UTRN: variants seen among roughly 807,000 people sequenced by gnomAD.
The protein encoded by UTRN is dystrophin-related protein 1.
A neutral mutation model predicts 463.9 loss-of-function variants in UTRN; 283 were observed. The ratio of observed to expected loss-of-function variants is 0.61; its 90% CI spans 0.55 to 0.67. The LOEUF (loss-of-function observed/expected upper bound fraction) is 0.67, where lower values mean the gene tolerates loss of function less well. Among genes scored for constraint, UTRN ranks in the 30% least tolerant of loss-of-function variants. The pLI is 0.00. For synonymous variants in UTRN, 1,442 were observed against 1,431.5 expected (o/e 1.01, Z -0.17); for missense variants, 3,922 against 4,084.3 (o/e 0.96, Z 1.08).
At chr6:144,455,206 T>A (rs913552008) in intron 19 of UTRN, among the ~76,000 whole-genome samples, 1 of 152,196 alleles carries the variant, frequency 6.6e-6, no homozygotes, top group Non-Finnish European at 1.5e-5. Context: ...GTATTATCAA[T>A]CCATTTATTA....
chr6:144,529,423 T>G (rs986479855), intron 41 of UTRN, among the ~76,000 whole-genome samples: 1 of 152,216 alleles, frequency 6.6e-6, no homozygotes, highest in African/African-American at 2.4e-5. Flanking sequence ...CATGCTGCTG[T>G]TTGTCTGAGT....
At chr6:144,500,535 T>G (rs1283648547) in intron 34 of UTRN, among the ~76,000 whole-genome samples, 1 of 152,182 alleles carries the variant, frequency 6.6e-6, no homozygotes, top group Admixed American at 6.5e-5. Context: ...ATCAAGGCCT[T>G]TATAGGTATT....
At chr6:144,793,205 A>C (rs1344301265) in intron 62 of UTRN, among the ~76,000 whole-genome samples, 3 of 152,182 alleles carry the variant, frequency 2.0e-5, no homozygotes, top group African/African-American at 7.2e-5. Context: ...TTAGGAGTGA[A>C]CACACAAAGT....
chr6:144,374,537 G>A (rs538502439), intron 2 of UTRN, among the ~76,000 whole-genome samples: 214 of 151,706 alleles, frequency 1.4e-3, no homozygotes, highest in Non-Finnish European at 2.4e-3. Context: ...AGGCTGGAGT[G>A]CAGTGGCGTG....
At chr6:144,602,490 C>T (rs1166357753) in intron 51 of UTRN, among the ~76,000 whole-genome samples, 1 of 152,048 alleles carries the variant, frequency 6.6e-6, no homozygotes, top group Non-Finnish European at 1.5e-5. Context: ...TAAATAAAGA[C>T]CAAAATACTT....
chr6:144,638,983 G>T (rs1462707125), intron 51 of UTRN, among the ~76,000 whole-genome samples: 1 of 152,124 alleles, frequency 6.6e-6, no homozygotes, highest in Non-Finnish European at 1.5e-5. Flanking sequence ...GCTGAGGTGG[G>T]AGGATTGCCC....
intron 2 of UTRN, among the ~76,000 whole-genome samples, chr6:144,388,503 T>C (rs1465271913): frequency 1.3e-5 from 2 of 150,976 alleles, no homozygotes; most frequent in African/African-American, 4.9e-5. Flanking sequence ...TTTATTTATT[T>C]ATTTATTTAT....
chr6:144,730,573 T>C, intron 54 of UTRN, 87 bp downstream of exon 54: 1 of 1,359,308 alleles, frequency 7.4e-7, no homozygotes, highest in Non-Finnish European at 9.6e-7. Flanking sequence ...CCTTACAGCA[T>C]TTTAGGATCT....
chr6:144,534,980 A>G (rs986676867), intron 43 of UTRN, among the ~76,000 whole-genome samples: 2 of 152,208 alleles, frequency 1.3e-5, no homozygotes, highest in African/African-American at 2.4e-5. Context: ...GGAGGGTTCA[A>G]TGACCAGGGG....
chr6:144,642,691 C>T lies in UTRN; in HGVS notation c.7480-35715C>T, dbSNP rs74725948. On this transcript the variant is annotated intron_variant, in intron 51 of 74. Coordinates refer to ENST00000367545, the MANE Select transcript of UTRN (RefSeq NM_007124.3). ...AATTACAAAATAGTGACACAGTCTC[C>T]CCAGCCCAAGAAGGAGGAGATTTTT... 5.9e-3 allele frequency among the ~76,000 whole-genome samples: 896 copies of T among 152,228 alleles called. 10 individuals carry two copies. Among genetic ancestry groups the T allele is most frequent in the African/African-American group, 0.02 (848 of 41,532 alleles).
rs570287426 is a variant in UTRN, at chr6:144,713,417, C to T, written c.7809+13174C>T. Among the ~76,000 whole-genome samples the T allele has an allele frequency of 3.4e-5, 5 of 148,688 alleles. No homozygotes were observed. The South Asian group carries it at 1.1e-3, about 32-fold the overall frequency. On this transcript the variant is annotated intron_variant, in intron 53 of 74. Transcript: ENST00000367545. ...GGTCAGGAGTTCAAGACCAGCCTGA[C>T]CAACATGGTGAAACCCCATCTCTAC...
chr6:144,633,712 T>C (rs1487541313), intron 51 of UTRN, among the ~76,000 whole-genome samples: 1 of 152,236 alleles, frequency 6.6e-6, no homozygotes, highest in East Asian at 1.9e-4. Context: ...TACACTAATA[T>C]TCTATTTGAT....
At chr6:144,575,243 A>G (rs1171559028) in intron 50 of UTRN, among the ~76,000 whole-genome samples, 5 of 152,240 alleles carry the variant, frequency 3.3e-5, no homozygotes, top group South Asian at 2.1e-4. Flanking sequence ...AAAAAAAGAT[A>G]CTGCATCATT....
chr6:144,643,833 C>A (rs1358501210), intron 51 of UTRN, among the ~76,000 whole-genome samples: 1 of 151,966 alleles, frequency 6.6e-6, no homozygotes, highest in Non-Finnish European at 1.5e-5. Flanking sequence ...CTGAGGTGGT[C>A]CTGAGACTGG....
intron 2 of UTRN, among the ~76,000 whole-genome samples, chr6:144,296,260 G>A (rs1028642522): frequency 7.9e-5 from 12 of 152,238 alleles, no homozygotes; most frequent in Non-Finnish European, 1.6e-4. Flanking sequence ...ATCAGCGGCA[G>A]CATTAGATTC....
At chr6:144,490,866 A>T in intron 31 of UTRN, 63 bp from the exon 32 acceptor site, 2 of 1,494,344 alleles carry the variant, frequency 1.3e-6, no homozygotes, top group Admixed American at 2.3e-5. Context: ...AGTATCTGTT[A>T]TGCTCATGAT....
At chr6:144,588,715 G>A (rs1383538184) in intron 51 of UTRN, among the ~76,000 whole-genome samples, 1 of 152,146 alleles carries the variant, frequency 6.6e-6, no homozygotes. Flanking sequence ...GGTACTGCTA[G>A]ATTTTAAATG....
At chr6:144,579,928 C>G (rs1380866456) in intron 51 of UTRN, among the ~76,000 whole-genome samples, 3 of 152,110 alleles carry the variant, frequency 2.0e-5, no homozygotes, top group Non-Finnish European at 2.9e-5. Flanking sequence ...ATTAAATGCT[C>G]TTAATTTTAA....
chr6:144,768,636 G>A (rs1211427789), intron 58 of UTRN, among the ~76,000 whole-genome samples: 1 of 152,192 alleles, frequency 6.6e-6, no homozygotes, highest in African/African-American at 2.4e-5. Context: ...TGGATGCAAA[G>A]CTGACAAACT....
Sources: allele counts gnomAD v4.1 joint callset (sites outside exome capture counted in the v4.1 genomes callset), GRCh38; gene constraint gnomAD v4.1.1; transcripts MANE v1.5; gene names NCBI Gene and HGNC (gene_info 2026-07-23, HGNC 2026-07-21).